Variants in SS18L1 observed in about 807,000 individuals in gnomAD.
SS18L1 encodes the protein SS18L1 subunit of BAF chromatin remodeling complex, also known as calcium-responsive transactivator.
SS18L1 carries 32 observed loss-of-function variants against 70.3 expected under a neutral mutation model. That is an observed-to-expected ratio of 0.46 (90% CI 0.34 to 0.61). The LOEUF (loss-of-function observed/expected upper bound fraction) is 0.61, where lower values mean the gene tolerates loss of function less well. SS18L1 is among the 20% of genes least tolerant of loss of function. The pLI, the probability that SS18L1 is intolerant of heterozygous loss-of-function variation, is 0.01. For missense variants in SS18L1, 430 were observed against 542.1 expected (o/e 0.79, Z 2.05); for synonymous variants, 237 against 229.7 (o/e 1.03, Z -0.29).
intron 8 of SS18L1, 33 bp from the exon 9 acceptor site, chr20:62,172,649 G>A (rs777590757): frequency 6.2e-7 from 1 of 1,614,020 alleles, no homozygotes; most frequent in Non-Finnish European, 8.5e-7. Context: ...CCCAGGTGGG[G>A]AAAGTCATTT....
Position 62,161,695 on chromosome 20 carries a change from C to G in SS18L1, c.376+115C>G. On this transcript the variant is annotated intron_variant, in intron 4 of 10. Transcript: ENST00000331758. The surrounding 1 kb of genome is among the most constrained non-coding windows in gnomAD (Gnocchi z 4.4). Reference sequence around the variant, plus strand: ...CCCTCACAGGGCTGGGCATGGGACCCACTCCTCCTGGGGTAGCCACAGGTC... The same window carrying G: ...CCCTCACAGGGCTGGGCATGGGACCGACTCCTCCTGGGGTAGCCACAGGTC... The G allele has an allele frequency of 7.0e-7, 1 of 1,423,390 alleles. No individual in the cohort carries two copies. The highest frequency in any genetic ancestry group is 9.3e-7 in the Non-Finnish European group (1 of 1,072,752). The allele number at this position is 1,423,390 out of a possible 1,614,324, so 88.2% of individuals were successfully genotyped here.
intron 1 of SS18L1, among the ~76,000 whole-genome samples, chr20:62,148,401 G>A (rs905188147): frequency 6.6e-6 from 1 of 150,612 alleles, no homozygotes. Flanking sequence ...GGTGAGGGAG[G>A]CTCGGCCTCC....
intron 1 of SS18L1, among the ~76,000 whole-genome samples, chr20:62,152,887 T>C (rs1207619946): frequency 3.3e-5 from 5 of 152,232 alleles, no homozygotes; most frequent in Non-Finnish European, 7.3e-5. Flanking sequence ...ATTTCCGTCC[T>C]GTCAGGGTCT....
At chr20:62,165,208 CAG>C (rs1374595371) in intron 7 of SS18L1, among the ~76,000 whole-genome samples, 1 of 152,240 alleles carries the variant, frequency 6.6e-6, no homozygotes, top group Non-Finnish European at 1.5e-5. Context: ...GGTAGCTTCA[CAG>C]TCGCCCCGAG....
rs149397294 is a variant in SS18L1 at position 62,158,415 on chromosome 20, A to G, written c.70-257A>G. 1.3e-5 allele frequency among the ~76,000 whole-genome samples: 2 copies of G among 151,914 alleles called. No homozygotes were observed. The highest frequency in any genetic ancestry group is 4.8e-5 in the African/African-American group (2 of 41,420). On this transcript the variant is annotated intron_variant, in intron 1 of 10. Transcript: ENST00000331758. This position sits in a 1 kb window ranked among gnomAD's most constrained non-coding sequence, Gnocchi z 4.5. ...GGAAATTTGAAGTGCTCCAAAATCC[A>G]GAACCTTTTGAGCACCAACATGAGG...
At chr20:62,169,533 C>T (rs962905835) in intron 8 of SS18L1, among the ~76,000 whole-genome samples, 2 of 152,128 alleles carry the variant, frequency 1.3e-5, no homozygotes, top group African/African-American at 4.8e-5. Context: ...AATCTCAGCA[C>T]TCTGGGAGGC....
At chr20:62,154,504 G>A (rs1230899042) in intron 1 of SS18L1, 2 of 1,019,194 alleles carry the variant, frequency 2.0e-6, no homozygotes, top group Non-Finnish European at 2.4e-6. Context: ...CTCAGGCCAG[G>A]CCATCGGCCC....
In SS18L1 at chr20:62,153,548, G is replaced by A. The variant is rs548072322; in HGVS notation, c.70-5124G>A. 9.9e-5 allele frequency among the ~76,000 whole-genome samples: 15 copies of A among 152,062 alleles called. No individual in the cohort carries two copies. In the East Asian group the frequency reaches 2.7e-3, roughly 27 times the overall value. ...ATACCCGTCAGAGTGGCTTTCTCGG[G>A]GGTTGGATCTGCCTCTGCTGTTGAC... On this transcript the variant is annotated intron_variant, in intron 1 of 10. Transcript: ENST00000331758.
chr20:62,146,605 A>ATTTTTTTTTT lies in SS18L1; in HGVS notation c.69+2728_69+2737dup, dbSNP rs10673768. 6.8e-4 allele frequency among the ~76,000 whole-genome samples: 54 copies of ATTTTTTTTTT among 79,718 alleles called. 8 individuals are homozygous for ATTTTTTTTTT. Among genetic ancestry groups the ATTTTTTTTTT allele is most frequent in the East Asian group, 1.2e-3 (3 of 2,590 alleles). 52.3% of individuals were successfully genotyped at this position (79,718 alleles called of 152,430 possible). On this transcript the variant is annotated intron_variant, in intron 1 of 10. Transcript: ENST00000331758. ...CATCCAGCGTGTCTCTGCTTTGATC[A>ATTTTTTTTTT]TTTTTTTTTTTTTTTTTTTTTGAGA...
At position 62,174,701 on chromosome 20, in the gene SS18L1, T is replaced by C. The variant is rs1555827772; in HGVS notation, c.1164+57T>C. 3 of 1,612,388 alleles carry C rather than the reference T, an allele frequency of 1.9e-6. No individual in the cohort carries two copies. Among genetic ancestry groups the C allele is most frequent in the South Asian group, 1.1e-5 (1 of 90,778 alleles). On this transcript the variant is annotated intron_variant, in intron 10 of 10. Coordinates refer to ENST00000331758, the MANE Select transcript of SS18L1 (RefSeq NM_198935.3). This position sits in a 1 kb window ranked among gnomAD's most constrained non-coding sequence, Gnocchi z 4.1. Reference sequence around the variant, plus strand: ...ATCCGCCGCGCCTGTCGAGACATAATGAAGATTTCTCTTATGGCCATGAGG... The same window carrying C: ...ATCCGCCGCGCCTGTCGAGACATAACGAAGATTTCTCTTATGGCCATGAGG...
At chr20:62,150,443 C>T (rs1437317495) in intron 1 of SS18L1, among the ~76,000 whole-genome samples, 1 of 152,150 alleles carries the variant, frequency 6.6e-6, no homozygotes, top group Non-Finnish European at 1.5e-5. Flanking sequence ...CAGGCTGGTC[C>T]CCCTCACACC....
At chr20:62,144,232 C>T (rs1273969112) in intron 1 of SS18L1, among the ~76,000 whole-genome samples, 7 of 151,704 alleles carry the variant, frequency 4.6e-5, no homozygotes, top group Non-Finnish European at 8.8e-5. Flanking sequence ...GCGCTGGGAA[C>T]TGTCCTGGGC....
chr20:62,153,615 G>C (rs1308311753), intron 1 of SS18L1, among the ~76,000 whole-genome samples: 3 of 152,196 alleles, frequency 2.0e-5, no homozygotes, highest in Non-Finnish European at 4.4e-5. Flanking sequence ...AACCACGCAG[G>C]ACCGTGTGAC....
At chr20:62,167,798 A>G (rs2057461686) in intron 8 of SS18L1, among the ~76,000 whole-genome samples, 1 of 150,172 alleles carries the variant, frequency 6.7e-6, no homozygotes, top group African/African-American at 2.5e-5. Context: ...TCAGCCTTTT[A>G]GTGTCTGATG....
At chr20:62,160,490 G>A (rs918493689) in intron 3 of SS18L1, among the ~76,000 whole-genome samples, 72 of 152,286 alleles carry the variant, frequency 4.7e-4, no homozygotes, top group African/African-American at 1.7e-3. Context: ...GCGCTGCTGT[G>A]GGTGAGAACG....
intron 1 of SS18L1, among the ~76,000 whole-genome samples, chr20:62,152,380 TC>T (rs2057149643): frequency 6.6e-6 from 1 of 152,174 alleles, no homozygotes; most frequent in Non-Finnish European, 1.5e-5. Flanking sequence ...AGCCTCTGGC[TC>T]CTCCAGATGG....
chr20:62,144,437 C>A (rs969507484), intron 1 of SS18L1, among the ~76,000 whole-genome samples: 4 of 152,230 alleles, frequency 2.6e-5, no homozygotes, highest in Admixed American at 2.6e-4. Context: ...CCTCTTGCTC[C>A]TGGAGCGAGG....
chr20:62,153,527 C>T (rs1292694332), intron 1 of SS18L1, among the ~76,000 whole-genome samples: 1 of 151,988 alleles, frequency 6.6e-6, no homozygotes, highest in Non-Finnish European at 1.5e-5. Context: ...CCACTCATAC[C>T]CGTCAGAGTG....
rs1047731026 is a variant in SS18L1 at position 62,174,923 on chromosome 20, C to T, written c.1164+279C>T. The T allele has an allele frequency of 2.3e-5, 23 of 984,906 alleles. No individual in the cohort carries two copies. The highest frequency in any genetic ancestry group is 2.7e-5 in the Non-Finnish European group (22 of 829,542). The allele number at this position is 984,906 out of a possible 1,614,324, so 61.0% of individuals were successfully genotyped here. A position where few individuals can be genotyped will look rare whatever the true frequency, so the allele number is the denominator to read the frequency against. On this transcript the variant is annotated intron_variant, in intron 10 of 10. Coordinates refer to ENST00000331758, the MANE Select transcript of SS18L1 (RefSeq NM_198935.3). This position sits in a 1 kb window ranked among gnomAD's most constrained non-coding sequence, Gnocchi z 4.1. Reference sequence around the variant, plus strand: ...TCACTCTGCCAGTGTTTGTCACGTACTGGGTACGCGTCCGGTCTCTGCTGA... The same window carrying T: ...TCACTCTGCCAGTGTTTGTCACGTATTGGGTACGCGTCCGGTCTCTGCTGA...
Sources: gnomAD v4.1 joint callset for allele counts (sites outside exome capture counted in the v4.1 genomes callset) on GRCh38, gnomAD v4.1.1 for gene constraint, Gnocchi (gnomAD v3.1) non-coding constraint, MANE v1.5 for transcripts, NCBI Gene and HGNC (gene_info 2026-07-23, HGNC 2026-07-21) for gene names.